Variants in EPHB1 observed in about 807,000 individuals in gnomAD.
EPHB1 encodes the protein EPH receptor B1.
Under a neutral mutation model 94.4 loss-of-function variants are expected in EPHB1, and 30 were observed. The observed-to-expected ratio is 0.32, with a 90% CI of 0.24 to 0.43. EPHB1 has a LOEUF of 0.43. Among genes scored for constraint, EPHB1 ranks in the 20% least tolerant of loss-of-function variants. The pLI is 1.00. For missense variants in EPHB1, 1,055 were observed against 1,308.3 expected (o/e 0.81, Z 2.99); for synonymous variants, 522 against 489.1 (o/e 1.07, Z -0.89).
chr3:135,166,086 C>CCACTCTCA lies in EPHB1; in HGVS notation c.1694+12_1694+19dup. 6.2e-7 allele frequency: 1 copy of CCACTCTCA among 1,604,516 alleles called. No individual in the cohort carries two copies. Among genetic ancestry groups the CCACTCTCA allele is most frequent in the Non-Finnish European group, 8.5e-7 (1 of 1,171,378 alleles). ...CTATCGTCTGTAGCAGGTAGGTCCTCCACTCTCACTTGCTCTCCTTGGACC... is the reference window on the plus strand; with the variant it reads ...CTATCGTCTGTAGCAGGTAGGTCCTCCACTCTCACACTCTCACTTGCTCTCCTTGGACC... On this transcript the variant is annotated intron_variant, in intron 8 of 15. Coordinates refer to ENST00000398015, the MANE Select transcript of EPHB1 (RefSeq NM_004441.5).
chr3:134,874,806 G>A (rs1476300019), intron 1 of EPHB1, among the ~76,000 whole-genome samples: 1 of 152,180 alleles, frequency 6.6e-6, no homozygotes, highest in Non-Finnish European at 1.5e-5. Context: ...CCCAATGTGT[G>A]GGCTGTGTTC....
At chr3:134,992,943 G>C (rs1934863611) in intron 3 of EPHB1, among the ~76,000 whole-genome samples, 1 of 152,148 alleles carries the variant, frequency 6.6e-6, no homozygotes, top group Non-Finnish European at 1.5e-5. Flanking sequence ...TTTCCCTCCA[G>C]TGTTTGAGGC....
intron 3 of EPHB1, among the ~76,000 whole-genome samples, chr3:134,960,827 A>G (rs1433555175): frequency 3.9e-5 from 6 of 152,234 alleles, no homozygotes; most frequent in Non-Finnish European, 8.8e-5. Context: ...GACCTAGTTC[A>G]TTAGAAAGGC....
intron 4 of EPHB1, among the ~76,000 whole-genome samples, chr3:135,111,691 T>C (rs1939450650): frequency 6.6e-6 from 1 of 152,158 alleles, no homozygotes; most frequent in Non-Finnish European, 1.5e-5. Context: ...TTTCACTCTT[T>C]TTTTTTGAGA....
intron 1 of EPHB1, among the ~76,000 whole-genome samples, chr3:134,876,999 G>T (rs1000330699): frequency 6.6e-6 from 1 of 152,038 alleles, no homozygotes; most frequent in African/African-American, 2.4e-5. Flanking sequence ...CCTACCACAC[G>T]CCCCAGGTCC....
chr3:135,150,784 G>A (rs932649974), intron 5 of EPHB1, among the ~76,000 whole-genome samples: 1 of 151,996 alleles, frequency 6.6e-6, no homozygotes. Context: ...TGAAATATTG[G>A]TGACTCCACA....
chr3:134,901,000 A>T (rs2038189517), intron 1 of EPHB1, among the ~76,000 whole-genome samples: 2 of 152,164 alleles, frequency 1.3e-5, no homozygotes, highest in Non-Finnish European at 2.9e-5. Context: ...GGACTCTAAG[A>T]ATTCATACAG....
chr3:134,938,433 T>C (rs2039051626), intron 2 of EPHB1, among the ~76,000 whole-genome samples: 1 of 152,214 alleles, frequency 6.6e-6, no homozygotes, highest in African/African-American at 2.4e-5. Flanking sequence ...TGCCCTCTAG[T>C]AGTGTGGCTG....
chr3:134,814,417 T>C (rs767842559), intron 1 of EPHB1, among the ~76,000 whole-genome samples: 30 of 152,168 alleles, frequency 2.0e-4, no homozygotes, highest in Admixed American at 1.5e-3. Context: ...AGCAATTACA[T>C]TCAAGTAAGT....
rs72975530 is a variant in EPHB1, at chr3:135,036,215, C to T, written c.806-70233C>T. 1.0e-2 allele frequency among the ~76,000 whole-genome samples: 1,518 copies of T among 152,280 alleles called. 26 individuals are homozygous for T. The highest frequency in any genetic ancestry group is 0.033 in the African/African-American group (1,375 of 41,548). ...AGGTAGCACAGCAAGGCCGTTGAGA[C>T]GCTATCTCTGGAGGACTAGAGCCTC... is the stretch of plus-strand genomic sequence containing the variant. On this transcript the variant is annotated intron_variant, in intron 3 of 15. Coordinates refer to ENST00000398015, the MANE Select transcript of EPHB1 (RefSeq NM_004441.5).
At chr3:135,152,591 G>A (rs1438322598) in intron 5 of EPHB1, among the ~76,000 whole-genome samples, 2 of 152,184 alleles carry the variant, frequency 1.3e-5, no homozygotes, top group Admixed American at 1.3e-4. Context: ...AGGAGAGAGG[G>A]AAGGAAGGAG....
chr3:134,839,820 T>C (rs1052584310), intron 1 of EPHB1, among the ~76,000 whole-genome samples: 2 of 152,150 alleles, frequency 1.3e-5, no homozygotes, highest in Non-Finnish European at 2.9e-5. Context: ...GAAAAGTTTC[T>C]AGGTGATTCT....
intron 3 of EPHB1, among the ~76,000 whole-genome samples, chr3:135,029,362 T>A (rs1355490138): frequency 6.6e-6 from 1 of 151,898 alleles, no homozygotes; most frequent in Non-Finnish European, 1.5e-5. Flanking sequence ...CAGCTGGTAC[T>A]GGTTGTTCCT....
intron 3 of EPHB1, among the ~76,000 whole-genome samples, chr3:135,059,043 G>T (rs973248042): frequency 2.0e-5 from 3 of 151,926 alleles, no homozygotes; most frequent in African/African-American, 7.2e-5. Flanking sequence ...AAAATCAAGT[G>T]TGACAGATAT....
intron 13 of EPHB1, 150 bp from the exon 14 acceptor site, chr3:135,248,166 A>G: frequency 1.5e-6 from 1 of 648,504 alleles, no homozygotes; most frequent in Non-Finnish European, 2.4e-6. Flanking sequence ...AAGTGCACAG[A>G]AAATCCATTA....
chr3:135,242,697 A>T lies in EPHB1; in HGVS notation c.2496+1400A>T, dbSNP rs115145687. Among the ~76,000 whole-genome samples, 872 of 152,226 alleles carry T rather than the reference A, an allele frequency of 5.7e-3. 2 individuals carry two copies. The highest frequency in any genetic ancestry group is 9.6e-3 in the Non-Finnish European group (653 of 68,016). ...AGCACATCAAATCAGTAAGCGGTGG[A>T]GTTAGTGCAAAGCCTGCTTTTATGA... On this transcript the variant is annotated intron_variant, in intron 13 of 15. Coordinates refer to ENST00000398015, the MANE Select transcript of EPHB1 (RefSeq NM_004441.5).
intron 3 of EPHB1, among the ~76,000 whole-genome samples, chr3:135,030,017 G>A (rs1339083119): frequency 1.2e-4 from 18 of 150,216 alleles, no homozygotes; most frequent in Admixed American, 6.6e-4. Context: ...TGATTGCATC[G>A]GCTCCTGAGG....
intron 3 of EPHB1, among the ~76,000 whole-genome samples, chr3:134,962,748 A>G (rs753092141): frequency 4.6e-5 from 7 of 151,174 alleles, no homozygotes; most frequent in Admixed American, 2.6e-4. Context: ...CCATGTTGAC[A>G]CCTCCATAGC....
At chr3:134,875,225 A>AGAGAAGC (rs908748766) in intron 1 of EPHB1, among the ~76,000 whole-genome samples, 2 of 152,156 alleles carry the variant, frequency 1.3e-5, no homozygotes, top group Non-Finnish European at 2.9e-5. Context: ...TGCTGGTTGG[A>AGAGAAGC]GAGAAGCCAA....
Sources: gnomAD v4.1 joint callset for allele counts (sites outside exome capture counted in the v4.1 genomes callset) on GRCh38, gnomAD v4.1.1 for gene constraint, MANE v1.5 for transcripts, NCBI Gene and HGNC (gene_info 2026-07-23, HGNC 2026-07-21) for gene names.